FXYD5: variants seen among roughly 807,000 people sequenced by gnomAD.
FXYD5 encodes the protein FXYD domain-containing ion transport regulator 5.
Under a neutral mutation model 25.7 loss-of-function variants are expected in FXYD5, and 21 were observed. The ratio of observed to expected loss-of-function variants is 0.82; its 90% CI spans 0.58 to 1.18. FXYD5 has a LOEUF of 1.18. Among genes scored for constraint, FXYD5 ranks in the 50% most tolerant of loss-of-function variants. FXYD5 has a pLI of 0.00. For synonymous variants in FXYD5, 101 were observed against 90.7 expected, an observed-to-expected ratio of 1.11 and a Z score of -0.64; for missense variants, 229 against 227.7, an observed-to-expected ratio of 1.01 and a Z score of -0.04.
At chr19:35,161,248 A>AC (rs61309039) in intron 5 of FXYD5, among the ~76,000 whole-genome samples, 91,981 of 141,798 alleles carry the variant, frequency 0.65, 30,578 homozygotes, top group East Asian at 0.76. Flanking sequence ...ACACACACAC[A>AC]AAAGAATGAT....
chr19:35,155,281 G>T (rs1209153715), intron 1 of FXYD5: 4 of 542,248 alleles, frequency 7.4e-6, no homozygotes, highest in East Asian at 6.4e-5. Context: ...AGGAGTGCCC[G>T]CCGGCCCTTG....
chr19:35,165,635 G>A (rs2065443697), intron 6 of FXYD5, among the ~76,000 whole-genome samples: 1 of 151,958 alleles, frequency 6.6e-6, no homozygotes, highest in Admixed American at 6.6e-5. Flanking sequence ...TAACCTCTGG[G>A]GAATACAGCC....
chr19:35,164,579 A>C (rs2065434722), intron 6 of FXYD5, among the ~76,000 whole-genome samples: 1 of 152,160 alleles, frequency 6.6e-6, no homozygotes, highest in Admixed American at 6.5e-5. Context: ...GTCTGAGGTC[A>C]GTTGTGGGTC....
chr19:35,159,640 A>G (rs1047314763), intron 4 of FXYD5: 4 of 1,549,556 alleles, frequency 2.6e-6, no homozygotes, highest in African/African-American at 2.7e-5. Flanking sequence ...GAGCAAACGC[A>G]CTTGGAATAT....
At chr19:35,159,600 C>G (rs2065387003) in intron 4 of FXYD5, 2 of 1,550,550 alleles carry the variant, frequency 1.3e-6, no homozygotes, top group African/African-American at 1.4e-5. Flanking sequence ...CACACAGCAC[C>G]ACAATGAGCA....
At chr19:35,166,097 C>T in intron 6 of FXYD5, 45 bp from the exon 7 acceptor site, 1 of 1,606,674 alleles carries the variant, frequency 6.2e-7, no homozygotes, top group African/African-American at 1.3e-5. Context: ...ATTCACTTCA[C>T]AAACCTTTGC....
At chr19:35,166,448 A>C (rs8106303) in intron 8 of FXYD5, 123 bp downstream of exon 8, 528,415 of 654,578 alleles carry the variant, frequency 0.81, 214,689 homozygotes, top group African/African-American at 0.95. Flanking sequence ...AGCTGCATAT[A>C]CATACAAACC....
chr19:35,166,212 G>A (rs773019233), intron 7 of FXYD5, 39 bp from the exon 8 acceptor site: 6 of 1,611,144 alleles, frequency 3.7e-6, no homozygotes, highest in Non-Finnish European at 4.2e-6. Context: ...GGAAAGGTGA[G>A]GTCCGTCTGA....
At chr19:35,165,707 T>G (rs1044788051) in intron 6 of FXYD5, among the ~76,000 whole-genome samples, 2 of 152,124 alleles carry the variant, frequency 1.3e-5, no homozygotes, top group African/African-American at 4.8e-5. Context: ...CAAACACCCC[T>G]GACATGACAT....
At chr19:35,161,754 CTGCG>C (rs1441049025) in intron 5 of FXYD5, among the ~76,000 whole-genome samples, 6 of 152,344 alleles carry the variant, frequency 3.9e-5, no homozygotes, top group Non-Finnish European at 7.3e-5. Flanking sequence ...CCTCTAATGC[CTGCG>C]TGATGATCCT....
At position 35,155,206 on chromosome 19, in the gene FXYD5, C is replaced by T. The variant is rs540943478; in HGVS notation, c.1-345C>T. ...TCTACTCCTCTGCCCCAGTCCCCTC[C>T]TTGCGTCAGTCCCAGTGAGGGATAA... is the stretch of plus-strand genomic sequence containing the variant. On this transcript the variant is annotated intron_variant, in intron 1 of 8. Coordinates refer to ENST00000392219, the MANE Select transcript of FXYD5 (RefSeq NM_014164.6). 1.1e-4 allele frequency: 40 copies of T among 373,018 alleles called. No individual in the cohort carries two copies. In the South Asian group the frequency reaches 1.2e-3, roughly 11 times the overall value. 23.1% of individuals were successfully genotyped at this position (373,018 alleles called of 1,614,324 possible).
At chr19:35,167,871 G>C (rs1157640470) in intron 8 of FXYD5, among the ~76,000 whole-genome samples, 1 of 152,132 alleles carries the variant, frequency 6.6e-6, no homozygotes, top group Non-Finnish European at 1.5e-5. Flanking sequence ...GAGAAGTTAA[G>C]GCTCAGAGAG....
rs748493009 is a variant in FXYD5 at position 35,166,272 on chromosome 19, G to A, written c.434G>A (p.Arg145Gln). ...FFYDEHTLRKRGLLVAAVLFI... is the reference protein window; with the variant it reads ...FFYDEHTLRKQGLLVAAVLFI... ...GCAGATGAACACACCCTCCGGAAAC[G>A]GGGGCTGTTGGTCGCAGCTGTGCTG... Residue 145 changes from arginine (R) to glutamine (Q), a missense_variant, in exon 8 of 9, where the codon CGG becomes CAG. Arg to Gln is a conservative substitution (Grantham distance 43). Transcript: ENST00000392219. 3.4e-5 allele frequency: 55 copies of A among 1,610,472 alleles called. No individual in the cohort carries two copies. The highest frequency in any genetic ancestry group is 1.6e-4 in the Middle Eastern group (1 of 6,076).
chr19:35,166,426 G>A (rs1298946153), intron 8 of FXYD5, 101 bp downstream of exon 8: 2 of 728,686 alleles, frequency 2.7e-6, no homozygotes, highest in Admixed American at 4.7e-5. Context: ...TGTTTTAAAT[G>A]AGGTATCTAT....
intron 5 of FXYD5, 121 bp downstream of exon 5, chr19:35,160,922 A>G (rs569295038): frequency 1.5e-6 from 1 of 656,648 alleles, no homozygotes; most frequent in East Asian, 2.8e-5. Context: ...ACATTTAAAA[A>G]AAATGTTTTT....
intron 4 of FXYD5, among the ~76,000 whole-genome samples, chr19:35,160,489 G>A (rs986865559): frequency 3.9e-5 from 6 of 152,178 alleles, no homozygotes; most frequent in Non-Finnish European, 8.8e-5. Context: ...TGAGATTAGA[G>A]GCATGAGCGA....
chr19:35,163,664 T>C (rs770103043), intron 5 of FXYD5, among the ~76,000 whole-genome samples: 17 of 152,134 alleles, frequency 1.1e-4, no homozygotes, highest in Non-Finnish European at 5.9e-5. Context: ...GTATTTTTAG[T>C]AGAGGCGGGG....
At chr19:35,155,104 C>T (rs2065340418) in intron 1 of FXYD5, 2 of 187,596 alleles carry the variant, frequency 1.1e-5, no homozygotes, top group Non-Finnish European at 2.2e-5. Context: ...GCGCGGGAGG[C>T]GTTACTCACT....
At chr19:35,157,027 C>T (rs1486839962) in intron 2 of FXYD5, 3 of 197,784 alleles carry the variant, frequency 1.5e-5, no homozygotes, top group African/African-American at 7.1e-5. Context: ...ACCCTATCTA[C>T]AGCCCTGTGA....
Sources: allele counts gnomAD v4.1 joint callset (sites outside exome capture counted in the v4.1 genomes callset), GRCh38; gene constraint gnomAD v4.1.1; transcripts MANE v1.5; gene names NCBI Gene and HGNC (gene_info 2026-07-23, HGNC 2026-07-21).